TTC28: variants seen among roughly 807,000 people sequenced by gnomAD.
TTC28 encodes tetratricopeptide repeat protein 28.
Under a neutral mutation model 198.0 loss-of-function variants are expected in TTC28, and 61 were observed. That is an observed-to-expected ratio of 0.31 (90% confidence interval 0.25 to 0.38). The LOEUF (loss-of-function observed/expected upper bound fraction) is 0.38. Among genes scored for constraint, TTC28 ranks in the 10% least tolerant of loss-of-function variants. The pLI is 1.00. For synonymous variants in TTC28, 1,171 were observed against 1,297.8 expected, an observed-to-expected ratio of 0.90 and a Z score of 2.10; for missense variants, 2,678 against 3,164.0, an observed-to-expected ratio of 0.85 and a Z score of 3.69.
intron 5 of TTC28, among the ~76,000 whole-genome samples, chr22:28,168,177 C>T (rs969171838): frequency 6.6e-6 from 1 of 152,138 alleles, no homozygotes; most frequent in East Asian, 1.9e-4. Context: ...AAAGAGGGCA[C>T]AACCAAATGC....
At chr22:28,283,331 C>T (rs1183943828) in intron 5 of TTC28, among the ~76,000 whole-genome samples, 3 of 144,956 alleles carry the variant, frequency 2.1e-5, no homozygotes, top group African/African-American at 7.4e-5. Flanking sequence ...CTCTTACACA[C>T]ACACACACAC....
At chr22:28,324,569 T>C (rs1173259434) in intron 2 of TTC28, among the ~76,000 whole-genome samples, 1 of 152,196 alleles carries the variant, frequency 6.6e-6, no homozygotes, top group African/African-American at 2.4e-5. Context: ...ATCCCTGGGA[T>C]GCAAGGCTGA....
At chr22:28,460,168 G>A (rs2047926135) in intron 2 of TTC28, among the ~76,000 whole-genome samples, 1 of 152,034 alleles carries the variant, frequency 6.6e-6, no homozygotes, top group East Asian at 1.9e-4. Flanking sequence ...AGTTGAATAA[G>A]CAAAAGAAGC....
At chr22:28,259,445 G>T (rs1161530803) in intron 5 of TTC28, among the ~76,000 whole-genome samples, 1 of 152,064 alleles carries the variant, frequency 6.6e-6, no homozygotes, top group Non-Finnish European at 1.5e-5. Context: ...TTTTTCTTCA[G>T]TTTGGACTTA....
intron 2 of TTC28, among the ~76,000 whole-genome samples, chr22:28,560,456 C>G (rs1601566554): frequency 6.6e-6 from 1 of 152,286 alleles, no homozygotes; most frequent in Non-Finnish European, 1.5e-5. Flanking sequence ...TCATGGCTTA[C>G]AAGGTCCTGT....
At chr22:28,531,636 C>T (rs1206438027) in intron 2 of TTC28, among the ~76,000 whole-genome samples, 2 of 152,104 alleles carry the variant, frequency 1.3e-5, no homozygotes, top group Non-Finnish European at 2.9e-5. Flanking sequence ...ACACTTATTC[C>T]AAAATTGACC....
intron 12 of TTC28, among the ~76,000 whole-genome samples, chr22:28,048,947 T>C (rs1939972136): frequency 6.6e-6 from 1 of 152,144 alleles, no homozygotes; most frequent in South Asian, 2.1e-4. Flanking sequence ...TGAACACCTG[T>C]GGCCAAAAGG....
At chr22:28,618,960 T>G (rs2050947173) in intron 2 of TTC28, among the ~76,000 whole-genome samples, 1 of 152,092 alleles carries the variant, frequency 6.6e-6, no homozygotes, top group Non-Finnish European at 1.5e-5. Flanking sequence ...TCTATATATG[T>G]GGTGAAAAAT....
intron 12 of TTC28, among the ~76,000 whole-genome samples, chr22:28,035,951 T>C (rs1939324441): frequency 6.6e-6 from 1 of 152,156 alleles, no homozygotes; most frequent in Non-Finnish European, 1.5e-5. Flanking sequence ...CTCCTAAATA[T>C]ATATGCACCC....
intron 1 of TTC28, among the ~76,000 whole-genome samples, chr22:28,673,330 C>T (rs533490298): frequency 7.9e-5 from 12 of 151,932 alleles, no homozygotes; most frequent in Admixed American, 2.0e-4. Context: ...GCAGAGATCG[C>T]GCCACTGCAC....
At chr22:28,486,974 C>T (rs2048321638) in intron 2 of TTC28, among the ~76,000 whole-genome samples, 1 of 152,090 alleles carries the variant, frequency 6.6e-6, no homozygotes, top group African/African-American at 2.4e-5. Context: ...GATCAAAAAT[C>T]TGAGTACAGT....
At chr22:28,476,412 T>C (rs992773102) in intron 2 of TTC28, among the ~76,000 whole-genome samples, 1 of 152,216 alleles carries the variant, frequency 6.6e-6, no homozygotes, top group Non-Finnish European at 1.5e-5. Context: ...TTACAAAGTG[T>C]TGCTTTCAAA....
intron 2 of TTC28, among the ~76,000 whole-genome samples, chr22:28,590,061 A>AAAAAAAAAAAACAC (rs1555898135): frequency 1.4e-5 from 2 of 142,304 alleles, no homozygotes; most frequent in African/African-American, 5.0e-5. Flanking sequence ...AAAAAAAAAA[A>AAAAAAAAAAAACAC]ACACAGAAAA....
intron 5 of TTC28, among the ~76,000 whole-genome samples, chr22:28,293,144 T>C (rs562775673): frequency 6.6e-6 from 1 of 152,046 alleles, no homozygotes; most frequent in Admixed American, 6.6e-5. Context: ...CCTTAAAAAT[T>C]AGAGAAATGC....
rs984964430 is a variant in TTC28 at position 28,389,401 on chromosome 22, A to C, written c.382-82758T>G. Among the ~76,000 whole-genome samples the C allele has an allele frequency of 9.4e-4, 143 of 151,590 alleles. 2 individuals carry two copies. The highest frequency in any genetic ancestry group is 7.7e-3 in the Admixed American group (118 of 15,230). On this transcript the variant is annotated intron_variant, in intron 2 of 22. Transcript: ENST00000397906. ...TCCCTCTTTTTCTATTGATTGGAAT[A>C]GTTTCAGAAGGAATGGTACCAGTTC...
At chr22:28,403,535 A>G (rs2046952152) in intron 2 of TTC28, among the ~76,000 whole-genome samples, 1 of 152,124 alleles carries the variant, frequency 6.6e-6, no homozygotes. Context: ...GGTCCTCTAT[A>G]CAGATACCAC....
intron 1 of TTC28, among the ~76,000 whole-genome samples, chr22:28,637,410 G>A (rs562728038): frequency 6.6e-6 from 1 of 152,270 alleles, no homozygotes; most frequent in Non-Finnish European, 1.5e-5. Context: ...GTTTTCCCAG[G>A]ACCATATATG....
intron 6 of TTC28, among the ~76,000 whole-genome samples, chr22:28,161,493 A>G (rs1013960179): frequency 1.3e-5 from 2 of 152,090 alleles, no homozygotes; most frequent in African/African-American, 4.8e-5. Context: ...ACTAAGAAAG[A>G]AAGAAATTAG....
intron 2 of TTC28, among the ~76,000 whole-genome samples, chr22:28,328,780 TAATA>T (rs2045571854): frequency 6.8e-6 from 1 of 146,368 alleles, no homozygotes; most frequent in Non-Finnish European, 1.5e-5. Context: ...ATAATAATAA[TAATA>T]ATAATAATAA....
Sources: gnomAD v4.1 joint callset for allele counts (sites outside exome capture counted in the v4.1 genomes callset) on GRCh38, gnomAD v4.1.1 for gene constraint, MANE v1.5 for transcripts, NCBI Gene and HGNC (gene_info 2026-07-23, HGNC 2026-07-21) for gene names.